ARHGAP31: variants seen among roughly 807,000 people sequenced by gnomAD.
The protein encoded by ARHGAP31 is Rho GTPase activating protein 31.
ARHGAP31 carries 34 observed loss-of-function variants against 113.9 expected under a neutral mutation model. That is an observed-to-expected ratio of 0.30 (90% confidence interval 0.23 to 0.40). The LOEUF (loss-of-function observed/expected upper bound fraction) is 0.40, where lower values mean the gene tolerates loss of function less well. Ranked by LOEUF, ARHGAP31 falls within the 10% of genes least tolerant of loss-of-function variation. ARHGAP31 has a pLI of 1.00. For missense variants in ARHGAP31, 1,548 were observed against 1,767.1 expected, an observed-to-expected ratio of 0.88 and a Z score of 2.22; for synonymous variants, 650 against 684.8, an observed-to-expected ratio of 0.95 and a Z score of 0.79.
rs191861578 is a variant in ARHGAP31 at position 119,414,868 on chromosome 3, C to T, written c.2939C>T (p.Thr980Ile). Residue 980 changes from threonine to isoleucine, a missense_variant, in exon 12 of 12, where the codon ACA becomes ATA. By Grantham distance (89) the Thr-to-Ile change is moderately conservative. Coordinates refer to ENST00000264245, the MANE Select transcript of ARHGAP31 (RefSeq NM_020754.4). The part of the protein sequence containing the change: ...PSSSSCANLE[T>I]ERNSDPLQPQ... ...TCCAGCAGCTGTGCTAATCTTGAAA[C>T]AGAGAGGAATTCTGACCCTCTTCAG... 10 of 1,614,214 alleles carry T rather than the reference C, an allele frequency of 6.2e-6. No individual in the cohort carries two copies. The Admixed American group carries it at 1.7e-4, about 27-fold the overall frequency.
At chr3:119,382,984 T>G in intron 5 of ARHGAP31, 100 bp from the exon 6 acceptor site, 16 of 1,405,462 alleles carry the variant, frequency 1.1e-5, no homozygotes, top group Non-Finnish European at 1.6e-5. Context: ...ACTGTATCAA[T>G]TTAGGAGATG....
Position 119,307,940 on chromosome 3 carries a change from C to CAAAAAAAAAAAAAAAAAAAAA in ARHGAP31, c.100+12956_100+12957insAAAAAAAAAAAAAAAAAAAAA, listed in dbSNP as rs71156742. Among the ~76,000 whole-genome samples the CAAAAAAAAAAAAAAAAAAAAA allele has an allele frequency of 6.2e-3, 280 of 45,450 alleles. 86 individuals are homozygous for CAAAAAAAAAAAAAAAAAAAAA. Among genetic ancestry groups the CAAAAAAAAAAAAAAAAAAAAA allele is most frequent in the East Asian group, 0.034 (31 of 906 alleles). The allele number at this position is 45,450 out of a possible 152,430, so 29.8% of individuals were successfully genotyped here. A position where few individuals can be genotyped will look rare whatever the true frequency, so the allele number is the denominator to read the frequency against. On this transcript the variant is annotated intron_variant, in intron 1 of 11. Coordinates refer to ENST00000264245, the MANE Select transcript of ARHGAP31 (RefSeq NM_020754.4). The stretch of plus-strand genomic sequence containing the variant: ...AGTGAATCCAAGTATGAATTAACAG[C>CAAAAAAAAAAAAAAAAAAAAA]AAAAAAAAAAAAAAAAAAAAGCTCA...
chr3:119,318,592 A>G (rs892365473), intron 1 of ARHGAP31, among the ~76,000 whole-genome samples: 4 of 152,222 alleles, frequency 2.6e-5, no homozygotes, highest in South Asian at 2.1e-4. Flanking sequence ...CACAGAGCCT[A>G]TAAGAAGGAA....
intron 1 of ARHGAP31, among the ~76,000 whole-genome samples, chr3:119,361,825 G>C (rs1321668643): frequency 3.9e-5 from 6 of 152,212 alleles, no homozygotes; most frequent in Admixed American, 3.9e-4. Flanking sequence ...CCATTACTGA[G>C]TAACAACGAT....
chr3:119,409,175 G>A (rs1392330049), intron 10 of ARHGAP31, among the ~76,000 whole-genome samples: 1 of 152,142 alleles, frequency 6.6e-6, no homozygotes, highest in Non-Finnish European at 1.5e-5. Context: ...CCTCCCCAAT[G>A]TTGTGGCAAC....
chr3:119,355,386 A>T (rs2080145984), intron 1 of ARHGAP31, among the ~76,000 whole-genome samples: 2 of 152,208 alleles, frequency 1.3e-5, no homozygotes, highest in South Asian at 4.1e-4. Context: ...TGAGGAATCC[A>T]GATAGCAAAG....
chr3:119,385,393 A>G (rs1374630519), intron 6 of ARHGAP31, among the ~76,000 whole-genome samples: 3 of 152,144 alleles, frequency 2.0e-5, no homozygotes, highest in East Asian at 3.8e-4. Flanking sequence ...GATTATGTAT[A>G]ATGCTGCTGT....
chr3:119,370,231 A>G (rs1410908446), intron 3 of ARHGAP31, among the ~76,000 whole-genome samples: 3 of 152,218 alleles, frequency 2.0e-5, no homozygotes, highest in Admixed American at 1.3e-4. Flanking sequence ...TCAGATTATA[A>G]TCACTTTCAC....
intron 4 of ARHGAP31, among the ~76,000 whole-genome samples, chr3:119,381,981 G>A (rs761561962): frequency 5.1e-4 from 57 of 111,000 alleles, no homozygotes; most frequent in Non-Finnish European, 8.0e-4. Flanking sequence ...GCGAGACTCC[G>A]TCTCAAAAAA....
intron 1 of ARHGAP31, among the ~76,000 whole-genome samples, chr3:119,362,578 G>A (rs904851208): frequency 4.6e-5 from 7 of 151,974 alleles, no homozygotes; most frequent in Admixed American, 2.0e-4. Flanking sequence ...GACTAGCCTG[G>A]CGAACATAGT....
At chr3:119,355,915 T>G (rs1577009821) in intron 1 of ARHGAP31, among the ~76,000 whole-genome samples, 2 of 152,256 alleles carry the variant, frequency 1.3e-5, no homozygotes, top group African/African-American at 4.8e-5. Context: ...TTCCAAGTCT[T>G]TGCTATTGTG....
chr3:119,335,949 G>A (rs1396433347), intron 1 of ARHGAP31, among the ~76,000 whole-genome samples: 1 of 152,168 alleles, frequency 6.6e-6, no homozygotes, highest in African/African-American at 2.4e-5. Flanking sequence ...AAGGTGTGCG[G>A]ATCACTTGAG....
chr3:119,380,630 C>G (rs1577020399), intron 3 of ARHGAP31, among the ~76,000 whole-genome samples: 2 of 152,010 alleles, frequency 1.3e-5, no homozygotes, highest in South Asian at 2.1e-4. Flanking sequence ...TCTACACATT[C>G]TTACCAGACG....
chr3:119,310,883 T>C (rs543183303), intron 1 of ARHGAP31, among the ~76,000 whole-genome samples: 1 of 152,278 alleles, frequency 6.6e-6, no homozygotes, highest in African/African-American at 2.4e-5. Flanking sequence ...ACTTCCTTTT[T>C]CCCAACCCTA....
intron 1 of ARHGAP31, among the ~76,000 whole-genome samples, chr3:119,301,325 C>T (rs1434659617): frequency 1.3e-5 from 2 of 152,180 alleles, no homozygotes; most frequent in African/African-American, 2.4e-5. Context: ...CTCAGCCCTA[C>T]CCTGAAGCTA....
At chr3:119,352,301 C>A (rs1021870853) in intron 1 of ARHGAP31, among the ~76,000 whole-genome samples, 1 of 152,156 alleles carries the variant, frequency 6.6e-6, no homozygotes, top group African/African-American at 2.4e-5. Context: ...CCACTCCCAC[C>A]CCAAACACAC....
intron 3 of ARHGAP31, among the ~76,000 whole-genome samples, chr3:119,369,131 C>G (rs1036078018): frequency 3.3e-5 from 5 of 152,176 alleles, no homozygotes; most frequent in African/African-American, 9.7e-5. Flanking sequence ...AAATAGGGCA[C>G]ACCCATAGGA....
chr3:119,410,831 T>C (rs2080709357), intron 11 of ARHGAP31, among the ~76,000 whole-genome samples: 1 of 152,202 alleles, frequency 6.6e-6, no homozygotes, highest in South Asian at 2.1e-4. Flanking sequence ...TTCTTGGAGC[T>C]AACAGCCTAG....
At chr3:119,413,730 C>A in intron 11 of ARHGAP31, 126 bp from the exon 12 acceptor site, 1 of 1,284,800 alleles carries the variant, frequency 7.8e-7, no homozygotes, top group Non-Finnish European at 1.1e-6. Flanking sequence ...ATTATCGGTG[C>A]TGCATCCTGT....
Sources: gnomAD v4.1 joint callset for allele counts (sites outside exome capture counted in the v4.1 genomes callset) on GRCh38, gnomAD v4.1.1 for gene constraint, MANE v1.5 for transcripts, NCBI Gene and HGNC (gene_info 2026-07-23, HGNC 2026-07-21) for gene names.